ELF1: variants seen among roughly 807,000 people sequenced by gnomAD.
ELF1 encodes E74 like ETS transcription factor 1, also known as ETS-related transcription factor Elf-1.
ELF1 carries 24 observed loss-of-function variants against 59.9 expected under a neutral mutation model. That is an observed-to-expected ratio of 0.40 (90% CI 0.29 to 0.56). The LOEUF (loss-of-function observed/expected upper bound fraction) is 0.56, where lower values mean the gene tolerates loss of function less well. Among genes scored for constraint, ELF1 ranks in the 20% least tolerant of loss-of-function variants. ELF1 has a pLI of 0.44. For missense variants in ELF1, 627 were observed against 742.2 expected, an observed-to-expected ratio of 0.84 and a Z score of 1.80; for synonymous variants, 248 against 266.2, an observed-to-expected ratio of 0.93 and a Z score of 0.67.
intron 2 of ELF1, among the ~76,000 whole-genome samples, chr13:40,960,923 T>A (rs1324681506): frequency 6.6e-6 from 1 of 152,160 alleles, no homozygotes; most frequent in Non-Finnish European, 1.5e-5. Context: ...CAAGCTAGAG[T>A]GCAGTGTGGC....
At chr13:41,024,527 T>G (rs1180967816) in intron 1 of ELF1, among the ~76,000 whole-genome samples, 1 of 152,144 alleles carries the variant, frequency 6.6e-6, no homozygotes, top group Non-Finnish European at 1.5e-5. Context: ...ATTTTGTATT[T>G]TGTATGTCTG....
upstream of ELF1, among the ~76,000 whole-genome samples, chr13:41,020,937 C>T (rs1190742778): frequency 6.6e-6 from 1 of 151,948 alleles, no homozygotes; most frequent in African/African-American, 2.4e-5. Context: ...AAAAGGATGT[C>T]AGAAAAAGTG....
At chr13:41,052,290 G>GA (rs746127284) in intron 1 of ELF1, among the ~76,000 whole-genome samples, 50 of 152,058 alleles carry the variant, frequency 3.3e-4, no homozygotes, top group Non-Finnish European at 6.5e-4. Flanking sequence ...TTTGTGAAAT[G>GA]AACTCAGGAG....
exon 1 of ELF1, chr13:41,060,911 T>TGAA (rs1877554814): frequency 7.6e-6 from 2 of 264,462 alleles, no homozygotes; most frequent in Non-Finnish European, 1.4e-5. Context: ...CTGAAGCTGC[T>TGAA]GCTGCCGCCG....
chr13:40,963,606 A>T (rs1228368913), intron 2 of ELF1, among the ~76,000 whole-genome samples: 1 of 152,232 alleles, frequency 6.6e-6, no homozygotes, highest in Non-Finnish European at 1.5e-5. Context: ...TCAGATTTTC[A>T]TAAGAATATG....
At chr13:40,955,052 G>A (rs1304386844) in intron 3 of ELF1, among the ~76,000 whole-genome samples, 1 of 149,550 alleles carries the variant, frequency 6.7e-6, no homozygotes, top group Non-Finnish European at 1.5e-5. Context: ...GAGCGCCTCT[G>A]CCCTGCCGCC....
chr13:40,937,431 C>T (rs544505680), intron 8 of ELF1, among the ~76,000 whole-genome samples: 2 of 152,248 alleles, frequency 1.3e-5, no homozygotes, highest in African/African-American at 4.8e-5. Flanking sequence ...AAATAATTAA[C>T]GTGATTCAAT....
intron 1 of ELF1, among the ~76,000 whole-genome samples, chr13:41,056,495 G>A (rs1877291298): frequency 1.3e-5 from 2 of 152,194 alleles, no homozygotes; most frequent in South Asian, 4.1e-4. Context: ...TACACACCTA[G>A]GAGTGGAAAT....
intron 1 of ELF1, among the ~76,000 whole-genome samples, chr13:41,038,206 C>G (rs1175451907): frequency 6.6e-6 from 1 of 151,910 alleles, no homozygotes; most frequent in Non-Finnish European, 1.5e-5. Flanking sequence ...AAAATGGAAT[C>G]AGGCCAGGTG....
intron 2 of ELF1, among the ~76,000 whole-genome samples, chr13:40,959,454 C>CCAGG (rs1871675006): frequency 6.6e-6 from 1 of 152,094 alleles, no homozygotes; most frequent in African/African-American, 2.4e-5. Context: ...CGAGATCGCA[C>CCAGG]CACTGCACTC....
intron 1 of ELF1, among the ~76,000 whole-genome samples, chr13:41,052,835 C>G (rs1877137829): frequency 6.6e-6 from 1 of 152,156 alleles, no homozygotes; most frequent in Non-Finnish European, 1.5e-5. Context: ...TGGCAATTTA[C>G]CTTGTAAACC....
intron 1 of ELF1, among the ~76,000 whole-genome samples, chr13:41,046,622 T>C: frequency 6.6e-6 from 1 of 152,250 alleles, no homozygotes; most frequent in South Asian, 2.1e-4. Flanking sequence ...CCCCACTCTC[T>C]TCTGGCTTGT....
intron 1 of ELF1, among the ~76,000 whole-genome samples, chr13:41,003,696 T>C (rs755621829): frequency 6.6e-6 from 1 of 152,156 alleles, no homozygotes; most frequent in African/African-American, 2.4e-5. Context: ...AGTGGAGATA[T>C]CAGGACCACA....
rs55938711 is a variant in ELF1 at position 41,000,237 on chromosome 13, CTTTTTTTTTTTTTTT to C, written c.-228-17970_-228-17956del. On this transcript the variant is annotated intron_variant, in intron 1 of 8. Transcript: ENST00000239882. ...CCAAATGAGGCTGCATTGAACCTGG[CTTTTTTTTTTTTTTT>C]TTTTTTTTTTTTTTTTGAGACAGAG... Among the ~76,000 whole-genome samples the C allele has an allele frequency of 4.4e-4, 24 of 54,722 alleles. No individual in the cohort carries two copies. In the Admixed American group the frequency reaches 4.5e-3, roughly 10 times the overall value. 35.9% of individuals were successfully genotyped at this position (54,722 alleles called of 152,430 possible). A position where few individuals can be genotyped will look rare whatever the true frequency, so the allele number is the denominator to read the frequency against.
At chr13:40,959,512 A>T (rs1014431814) in intron 2 of ELF1, among the ~76,000 whole-genome samples, 2 of 152,108 alleles carry the variant, frequency 1.3e-5, no homozygotes, top group Admixed American at 1.3e-4. Flanking sequence ...TAAATAAAAT[A>T]AATAATAATA....
At chr13:40,954,937 C>A (rs1222744177) in intron 3 of ELF1, among the ~76,000 whole-genome samples, 3 of 133,636 alleles carry the variant, frequency 2.2e-5, no homozygotes, top group African/African-American at 8.3e-5. Flanking sequence ...AGCCTCTCTG[C>A]CTGGCTGCCC....
At chr13:41,053,455 T>A (rs1833832217) in intron 1 of ELF1, among the ~76,000 whole-genome samples, 1 of 152,196 alleles carries the variant, frequency 6.6e-6, no homozygotes, top group African/African-American at 2.4e-5. Context: ...TATGGTGAAG[T>A]ATCAGTGGCA....
At chr13:41,055,298 A>G (rs949336662) in intron 1 of ELF1, among the ~76,000 whole-genome samples, 8 of 151,682 alleles carry the variant, frequency 5.3e-5, no homozygotes, top group Non-Finnish European at 1.0e-4. Flanking sequence ...TCCCATTCCT[A>G]TCCTACCTGC....
At chr13:40,961,360 A>G (rs971819705) in intron 2 of ELF1, among the ~76,000 whole-genome samples, 2 of 152,302 alleles carry the variant, frequency 1.3e-5, no homozygotes, top group Non-Finnish European at 1.5e-5. Flanking sequence ...ATAGTAAAAC[A>G]AATTTTAAAA....
Sources: gnomAD v4.1 joint callset for allele counts (sites outside exome capture counted in the v4.1 genomes callset) on GRCh38, gnomAD v4.1.1 for gene constraint, MANE v1.5 for transcripts, NCBI Gene and HGNC (gene_info 2026-07-23, HGNC 2026-07-21) for gene names.